Variants in LTBP1 observed in about 807,000 individuals in gnomAD.
LTBP1 encodes the protein latent transforming growth factor beta binding protein 1.
In LTBP1, 129 loss-of-function variants were observed where a neutral mutation model predicts 207.6. The ratio of observed to expected loss-of-function variants is 0.62; its 90% CI spans 0.54 to 0.72. The LOEUF is 0.72. Ranked by LOEUF, LTBP1 falls within the 30% of genes least tolerant of loss-of-function variation. The probability of loss-of-function intolerance (pLI) is 0.00; values close to 1 mark genes in which losing one functional copy is unlikely to be tolerated. For missense variants in LTBP1, 2,281 were observed against 2,217.2 expected (o/e 1.03, Z -0.58); for synonymous variants, 963 against 833.7 (o/e 1.16, Z -2.67).
chr2:33,027,363 G>C (rs1265910170), intron 3 of LTBP1, among the ~76,000 whole-genome samples: 1 of 152,136 alleles, frequency 6.6e-6, no homozygotes, highest in Admixed American at 6.5e-5. Context: ...TTTGTGGTGA[G>C]AATGTTGAAG....
intron 3 of LTBP1, among the ~76,000 whole-genome samples, chr2:33,085,778 T>A (rs890949882): frequency 6.6e-6 from 1 of 152,212 alleles, no homozygotes; most frequent in Non-Finnish European, 1.5e-5. Context: ...TGTTGCTGGG[T>A]TGGGAAGATA....
At chr2:33,152,180 A>G (rs1178303755) in intron 5 of LTBP1, among the ~76,000 whole-genome samples, 1 of 152,124 alleles carries the variant, frequency 6.6e-6, no homozygotes, top group African/African-American at 2.4e-5. Context: ...CTGACAAAGG[A>G]CTAATATCCA....
intron 3 of LTBP1, among the ~76,000 whole-genome samples, chr2:33,081,439 G>C (rs549141759): frequency 6.6e-6 from 1 of 152,098 alleles, no homozygotes. Flanking sequence ...ATGTAAAGTG[G>C]TATTTGATCT....
intron 5 of LTBP1, among the ~76,000 whole-genome samples, chr2:33,176,719 C>T (rs1340118642): frequency 1.3e-5 from 2 of 152,046 alleles, no homozygotes; most frequent in East Asian, 1.9e-4. Flanking sequence ...AGATGGCAGG[C>T]ATGAGCAGGC....
At chr2:33,267,005 G>C (rs569778215) in intron 15 of LTBP1, among the ~76,000 whole-genome samples, 6 of 152,242 alleles carry the variant, frequency 3.9e-5, no homozygotes, top group African/African-American at 1.4e-4. Context: ...GGCTGTAACA[G>C]CCTCTTTGGT....
intron 3 of LTBP1, among the ~76,000 whole-genome samples, chr2:33,057,566 C>T (rs916489705): frequency 6.6e-6 from 1 of 152,238 alleles, no homozygotes. Flanking sequence ...GTACCGAGCC[C>T]TGCCCCACAG....
In LTBP1 at chr2:32,947,739, G is replaced by C. The variant is rs1676417201; in HGVS notation, c.415G>C (p.Val139Leu). Residue 139 changes from valine to leucine, a missense_variant, in exon 1 of 34, where the codon GTG (valine) becomes CTG (leucine). By Grantham distance (32) the Val-to-Leu change is conservative (BLOSUM62 1). This residue lies in a region of LTBP1 where 555 missense variants were observed against 491.0 expected (regional missense o/e 1.13). Transcript: ENST00000404816. ...APFTKQGRQV[V>L]RSKVPQETQS... ...GTTCACCAAACAAGGCAGGCAAGTT[G>C]TGCGCTCCAAGGTGCCGCAGGAGAC... 6.5e-7 allele frequency: 1 copy of C among 1,538,578 alleles called. No homozygotes were observed. The highest frequency in any genetic ancestry group is 8.7e-7 in the Non-Finnish European group (1 of 1,144,198).
At chr2:32,959,485 ACCAG>A (rs1052859905) in intron 2 of LTBP1, among the ~76,000 whole-genome samples, 1 of 151,090 alleles carries the variant, frequency 6.6e-6, no homozygotes, top group Non-Finnish European at 1.5e-5. Flanking sequence ...TTGTAGAATT[ACCAG>A]ACAATTCCAA....
At chr2:33,101,033 C>G (rs955481197) in intron 3 of LTBP1, among the ~76,000 whole-genome samples, 5 of 152,174 alleles carry the variant, frequency 3.3e-5, no homozygotes, top group Admixed American at 1.3e-4. Context: ...TGAGACCCTG[C>G]TTTCAGTGCT....
intron 10 of LTBP1, among the ~76,000 whole-genome samples, chr2:33,246,268 T>G (rs2092505715): frequency 6.6e-6 from 1 of 152,162 alleles, no homozygotes; most frequent in Non-Finnish European, 1.5e-5. Context: ...CAGAGACATG[T>G]AGAGTTCCTT....
chr2:32,971,486 G>A (rs1558456064), intron 2 of LTBP1, among the ~76,000 whole-genome samples: 1 of 151,904 alleles, frequency 6.6e-6, no homozygotes, highest in Non-Finnish European at 1.5e-5. Context: ...TTTATTGAGG[G>A]TTTTTTTCAA....
rs1025844662 is a variant in LTBP1 at position 33,096,425 on chromosome 2, A to G, written c.864-14157A>G. ...AGGACACTGGATGGGAACTCAATAT[A>G]ATAGAGTGGTGTGGGGTTTATTACA... On this transcript the variant is annotated intron_variant, in intron 3 of 33. Transcript: ENST00000404816. Among the ~76,000 whole-genome samples, 106 of 152,176 alleles carry G rather than the reference A, an allele frequency of 7.0e-4. 3 individuals carry two copies. The highest frequency in any genetic ancestry group is 2.6e-4 in the Admixed American group (4 of 15,258).
At chr2:33,160,844 C>G (rs921582604) in intron 5 of LTBP1, among the ~76,000 whole-genome samples, 3 of 152,168 alleles carry the variant, frequency 2.0e-5, no homozygotes, top group African/African-American at 7.2e-5. Flanking sequence ...CTAGGCCCAG[C>G]AAGAACTATG....
intron 4 of LTBP1, among the ~76,000 whole-genome samples, chr2:33,117,865 A>G (rs557850945): frequency 6.6e-6 from 1 of 152,326 alleles, no homozygotes; most frequent in African/African-American, 2.4e-5. Flanking sequence ...GGAGATCTTC[A>G]GAGGAGGAGC....
At chr2:32,973,114 G>GT (rs58016087) in intron 2 of LTBP1, among the ~76,000 whole-genome samples, 45,895 of 151,758 alleles carry the variant, frequency 0.3, 7,615 homozygotes, top group East Asian at 0.7. Flanking sequence ...TGTCTATTCT[G>GT]TTTTTTTTGT....
chr2:33,364,007 G>C (rs1428126690), intron 29 of LTBP1, among the ~76,000 whole-genome samples: 5 of 152,094 alleles, frequency 3.3e-5, no homozygotes, highest in Non-Finnish European at 7.4e-5. Flanking sequence ...TTTAATGTCA[G>C]CAGCAGCAGC....
chr2:33,265,897 C>A (rs926502781), intron 15 of LTBP1, among the ~76,000 whole-genome samples: 4 of 152,142 alleles, frequency 2.6e-5, no homozygotes, highest in African/African-American at 9.7e-5. Flanking sequence ...AGTTTGGAGC[C>A]TCCTTTAGAA....
chr2:33,396,811 C>T (rs1227607928), intron 32 of LTBP1, among the ~76,000 whole-genome samples: 3 of 152,158 alleles, frequency 2.0e-5, no homozygotes, highest in Non-Finnish European at 4.4e-5. Context: ...TGCAAACTCA[C>T]GAAGTTTGGA....
chr2:33,006,772 G>A (rs1295306105), intron 2 of LTBP1, among the ~76,000 whole-genome samples: 2 of 149,630 alleles, frequency 1.3e-5, no homozygotes, highest in East Asian at 4.0e-4. Flanking sequence ...TCCCTGATGA[G>A]CCCTTAAAGT....
Sources: allele counts gnomAD v4.1 joint callset (sites outside exome capture counted in the v4.1 genomes callset), GRCh38; gene constraint gnomAD v4.1.1; regional missense constraint gnomAD v4.1.1; transcripts MANE v1.5; gene names NCBI Gene and HGNC (gene_info 2026-07-23, HGNC 2026-07-21).